SLC6A9: variants seen among roughly 807,000 people sequenced by gnomAD.
SLC6A9 encodes sodium- and chloride-dependent glycine transporter 1.
SLC6A9 carries 31 observed loss-of-function variants against 70.9 expected under a neutral mutation model. That is an observed-to-expected ratio of 0.44 (90% confidence interval 0.33 to 0.59). The LOEUF is 0.59. SLC6A9 is among the 20% of genes least tolerant of loss of function. The pLI is 0.04. For missense variants in SLC6A9, 631 were observed against 845.2 expected (o/e 0.75, Z 3.14); for synonymous variants, 310 against 341.3 (o/e 0.91, Z 1.01).
intron 5 of SLC6A9, among the ~76,000 whole-genome samples, chr1:44,005,642 A>G (rs1049551059): frequency 2.2e-4 from 33 of 152,348 alleles, no homozygotes; most frequent in African/African-American, 1.7e-4. Flanking sequence ...ATTCTGATAC[A>G]GCGACTGCTG....
At chr1:44,030,447 C>CG (rs1350133683) in intron 1 of SLC6A9, 5 of 151,842 alleles carry the variant, frequency 3.3e-5, no homozygotes, top group Non-Finnish European at 7.4e-5. Context: ...GCCGCCTGCT[C>CG]GAGATCTGCA....
intron 12 of SLC6A9, among the ~76,000 whole-genome samples, chr1:44,000,428 A>G (rs1005755367): frequency 6.6e-6 from 1 of 152,210 alleles, no homozygotes; most frequent in Non-Finnish European, 1.5e-5. Flanking sequence ...CCCTCCCTGG[A>G]GGGATGGGAG....
At chr1:44,001,142 C>T (rs199565530) in intron 10 of SLC6A9, 22 bp downstream of exon 10, 171 of 1,614,060 alleles carry the variant, frequency 1.1e-4, no homozygotes, top group Non-Finnish European at 1.4e-4. Flanking sequence ...CTGGGCCAGC[C>T]CTTCCCTTAC....
At position 44,002,855 on chromosome 1, in the gene SLC6A9, T is replaced by C; in HGVS notation, c.721A>G (p.Lys241Glu). ...CCCTGCTGGGGAGGGGTACTTGCTT[T>C]CCCTGAAGACTTGACCCCTCGGATG... is the stretch of plus-strand genomic sequence containing the variant. The part of the protein sequence containing the change: ...CLIRGVKSSG[K>E]VVYFTATFPY... Residue 241 changes from lysine to glutamate, a missense_variant and splice_region_variant, in exon 6 of 14, where the codon AAA becomes GAA. By Grantham distance (56) the Lys-to-Glu change is moderately conservative. Transcript: ENST00000372310. The surrounding 1 kb of genome is among the most constrained non-coding windows in gnomAD (Gnocchi z 5.5). 6.2e-7 allele frequency: 1 copy of C among 1,614,024 alleles called. No homozygotes were observed. Among genetic ancestry groups the C allele is most frequent in the Non-Finnish European group, 8.5e-7 (1 of 1,179,994 alleles).
intron 3 of SLC6A9, chr1:44,010,300 G>A (rs980161596): frequency 1.1e-5 from 6 of 570,840 alleles, no homozygotes; most frequent in African/African-American, 3.8e-5. Context: ...AATTCTGCTT[G>A]GAGTGGAATC....
chr1:44,011,424 G>A (rs2086564296), intron 2 of SLC6A9: 8 of 737,096 alleles, frequency 1.1e-5, no homozygotes, highest in Middle Eastern at 4.0e-4. Context: ...GGGGCACAGA[G>A]TGGGCAGGGC....
chr1:44,025,289 C>T (rs1023120915), intron 1 of SLC6A9, among the ~76,000 whole-genome samples: 6 of 151,834 alleles, frequency 4.0e-5, no homozygotes, highest in South Asian at 2.1e-4. Context: ...GCATGAGTGG[C>T]AAGGTGGGGC....
chr1:44,005,619 G>T (rs192414428), intron 5 of SLC6A9, among the ~76,000 whole-genome samples: 10 of 152,150 alleles, frequency 6.6e-5, no homozygotes, highest in African/African-American at 2.4e-4. Context: ...CCAGACGGGC[G>T]CAACACACAC....
In SLC6A9 at chr1:44,013,444, T is replaced by C. The variant is rs1036553561; in HGVS notation, c.31-2562A>G. ...GTTAATGAGCCGTGTGCTAACCAGC[T>C]TAGCCGTGCGGGCTGTAACCCAGGG... On this transcript the variant is annotated intron_variant, in intron 2 of 13. Coordinates refer to ENST00000372310, the MANE Select transcript of SLC6A9 (RefSeq NM_001024845.3). This position sits in a 1 kb window ranked among gnomAD's most constrained non-coding sequence, Gnocchi z 5.3. Among the ~76,000 whole-genome samples, 1 of 152,208 alleles carries C rather than the reference T, an allele frequency of 6.6e-6. No individual in the cohort carries two copies. The highest frequency in any genetic ancestry group is 2.4e-5 in the African/African-American group (1 of 41,442).
chr1:44,027,033 C>T (rs2086994677), intron 1 of SLC6A9, among the ~76,000 whole-genome samples: 1 of 152,176 alleles, frequency 6.6e-6, no homozygotes, highest in East Asian at 1.9e-4. Flanking sequence ...GCTTCTCCTG[C>T]CTTTGACATT....
intron 2 of SLC6A9, among the ~76,000 whole-genome samples, chr1:44,011,969 C>T (rs1011683974): frequency 6.6e-6 from 1 of 152,160 alleles, no homozygotes; most frequent in African/African-American, 2.4e-5. Flanking sequence ...CCCAAGGGCC[C>T]CAAGGGGTCT....
At chr1:44,017,044 G>A (rs766974532) in intron 2 of SLC6A9, 3 of 1,585,260 alleles carry the variant, frequency 1.9e-6, no homozygotes, top group East Asian at 4.7e-5. Context: ...GAAGGTGACT[G>A]ACCTGTTCTG....
chr1:44,010,467 G>GGGGGC (rs2086517039), intron 3 of SLC6A9: 1 of 239,164 alleles, frequency 4.2e-6, no homozygotes. Context: ...GGGGGGGGGG[G>GGGGGC]GGGGTTAGGT....
rs200742571 is a variant in SLC6A9, at chr1:44,000,734, C to T, written c.1536+33G>A. ...AGATGGACACATGGCCAAGGGGCAGCGGGGGAAGGGAGGGGCCGGCCAGGG... is the reference window on the plus strand; with the variant it reads ...AGATGGACACATGGCCAAGGGGCAGTGGGGGAAGGGAGGGGCCGGCCAGGG... On this transcript the variant is annotated intron_variant, in intron 12 of 13. Coordinates refer to ENST00000372310, the MANE Select transcript of SLC6A9 (RefSeq NM_001024845.3). 5.6e-4 allele frequency: 782 copies of T among 1,394,906 alleles called. 1 individual carries two copies. Among genetic ancestry groups the T allele is most frequent in the Non-Finnish European group, 6.6e-4 (654 of 996,776 alleles). The allele number at this position is 1,394,906 out of a possible 1,614,324, so 86.4% of individuals were successfully genotyped here.
At chr1:43,998,968 G>A (rs2085983381) in intron 12 of SLC6A9, among the ~76,000 whole-genome samples, 1 of 78,676 alleles carries the variant, frequency 1.3e-5, no homozygotes, top group African/African-American at 4.4e-5. Flanking sequence ...CCACCCAGAG[G>A]GCCTGGCGGG....
At chr1:44,010,397 C>T (rs1233154814) in intron 3 of SLC6A9, 4 of 444,564 alleles carry the variant, frequency 9.0e-6, no homozygotes, top group Non-Finnish European at 1.6e-5. Context: ...TCCTCAACAT[C>T]CCTGAACCAT....
chr1:44,018,597 AAATAATAATAATAAT>A lies in SLC6A9; in HGVS notation c.30+5636_30+5650del, dbSNP rs143546820. Among the ~76,000 whole-genome samples, 378 of 142,284 alleles carry A rather than the reference AAATAATAATAATAAT, an allele frequency of 2.7e-3. No individual in the cohort carries two copies. Among genetic ancestry groups the A allele is most frequent in the Admixed American group, 4.7e-3 (67 of 14,258 alleles). 93.3% of individuals were successfully genotyped at this position (142,284 alleles called of 152,430 possible). A position where few individuals can be genotyped will look rare whatever the true frequency, so the allele number is the denominator to read the frequency against. On this transcript the variant is annotated intron_variant, in intron 2 of 13. Transcript: ENST00000372310. The surrounding 1 kb of genome is among the most constrained non-coding windows in gnomAD (Gnocchi z 4.2). ...CAGCAAGAGCAAAACTCTCTCTCTA[AAATAATAATAATAAT>A]AATAATAATAATAATAATAATAATA...
chr1:44,002,402 A>G lies in SLC6A9; in HGVS notation c.873T>C (p.Ala291=), dbSNP rs781212631. The G allele has an allele frequency of 6.8e-6, 11 of 1,613,990 alleles. No homozygotes were observed. ...KILEAKVWGD[A]ASQIFYSLGC... ...CCAGTGAGTAGAAGATCTGGGAGGC[A>G]GCATCACCCCACACCTGCAGGGAAG... The change falls in exon 8 of 14, where the codon GCT becomes GCC. Residue 291 remains alanine (A), a synonymous_variant. Transcript: ENST00000372310. The surrounding 1 kb of genome is among the most constrained non-coding windows in gnomAD (Gnocchi z 5.5).
At chr1:44,022,635 A>AT (rs1298896775) in intron 2 of SLC6A9, among the ~76,000 whole-genome samples, 2 of 151,724 alleles carry the variant, frequency 1.3e-5, no homozygotes, top group Non-Finnish European at 2.9e-5. Flanking sequence ...ACAGGGCCAG[A>AT]TAGAAGATCC....
Sources: allele counts gnomAD v4.1 joint callset (sites outside exome capture counted in the v4.1 genomes callset), GRCh38; gene constraint gnomAD v4.1.1; non-coding constraint Gnocchi (gnomAD v3.1); transcripts MANE v1.5; gene names NCBI Gene and HGNC (gene_info 2026-07-23, HGNC 2026-07-21).